The following LRRC7 variants were observed in gnomAD, a reference collection of about 807,000 sequenced individuals.
LRRC7 encodes the protein leucine rich repeat containing 7, also known as leucine-rich repeat-containing protein 7.
Under a neutral mutation model 175.7 loss-of-function variants are expected in LRRC7, and 23 were observed. That is an observed-to-expected ratio of 0.13 (90% confidence interval 0.09 to 0.19). The LOEUF (loss-of-function observed/expected upper bound fraction) is 0.19. LRRC7 is among the 10% of genes least tolerant of loss of function. The pLI, the probability that LRRC7 is intolerant of heterozygous loss-of-function variation, is 1.00. For synonymous variants in LRRC7, 685 were observed against 680.9 expected (o/e 1.01, Z -0.09); for missense variants, 1,354 against 1,904.7 (o/e 0.71, Z 5.38).
chr1:69,844,591 G>A (rs1204306510), intron 7 of LRRC7, among the ~76,000 whole-genome samples: 1 of 152,034 alleles, frequency 6.6e-6, no homozygotes, highest in African/African-American at 2.4e-5. Context: ...ATCTGTTGTT[G>A]GACATTTAAG....
intron 7 of LRRC7, among the ~76,000 whole-genome samples, chr1:69,866,725 A>G (rs979512361): frequency 8.3e-6 from 1 of 121,078 alleles, no homozygotes; most frequent in Non-Finnish European, 2.0e-5. Flanking sequence ...AAATTAATTC[A>G]TTAGCACTGA....
At chr1:69,841,381 A>T (rs1681712186) in intron 7 of LRRC7, among the ~76,000 whole-genome samples, 1 of 152,002 alleles carries the variant, frequency 6.6e-6, no homozygotes, top group Non-Finnish European at 1.5e-5. Context: ...GATCACAGAG[A>T]CCAAATCTGG....
chr1:70,068,526 A>G (rs1386955722), intron 23 of LRRC7, among the ~76,000 whole-genome samples: 5 of 152,138 alleles, frequency 3.3e-5, no homozygotes. Flanking sequence ...GGATTTGTGC[A>G]TCTATATTCA....
chr1:69,767,974 G>T, intron 3 of LRRC7, among the ~76,000 whole-genome samples: 1 of 152,120 alleles, frequency 6.6e-6, no homozygotes, highest in East Asian at 1.9e-4. Context: ...CCACATCCAG[G>T]TGAGGGCTGC....
chr1:69,994,096 C>T (rs960040687), intron 10 of LRRC7, among the ~76,000 whole-genome samples: 2 of 152,044 alleles, frequency 1.3e-5, no homozygotes, highest in Non-Finnish European at 2.9e-5. Context: ...TAATTATAAC[C>T]GCTGCATTGC....
At chr1:69,913,263 A>G (rs1011116641) in intron 7 of LRRC7, among the ~76,000 whole-genome samples, 1 of 152,210 alleles carries the variant, frequency 6.6e-6, no homozygotes, top group African/African-American at 2.4e-5. Context: ...TTGGTCACAT[A>G]TCCTTTTGGA....
chr1:70,008,128 T>A (rs775800133), intron 11 of LRRC7, among the ~76,000 whole-genome samples: 3 of 152,122 alleles, frequency 2.0e-5, no homozygotes, highest in Non-Finnish European at 4.4e-5. Flanking sequence ...GTCCCAAAAC[T>A]GAAGAACTTG....
At position 69,568,659 on chromosome 1, in the gene LRRC7, G is replaced by C. The variant is rs1645597542; in HGVS notation, c.2+18G>C. 1.5e-6 allele frequency: 2 copies of C among 1,336,562 alleles called. No homozygotes were observed. The highest frequency in any genetic ancestry group is 2.0e-6 in the Non-Finnish European group (2 of 1,010,388). The allele number at this position is 1,336,562 out of a possible 1,614,324, so 82.8% of individuals were successfully genotyped here. ...CCGGCGATGTGAGTAAGGCACGCTC[G>C]CTCCGTGGCGGAGGGTGCTGCGGGG... is the stretch of plus-strand genomic sequence containing the variant. On this transcript the variant is annotated intron_variant, in intron 1 of 26. Coordinates refer to ENST00000651989, the MANE Select transcript of LRRC7 (RefSeq NM_001370785.2).
chr1:69,694,005 T>A (rs921178824), intron 2 of LRRC7, among the ~76,000 whole-genome samples: 1 of 152,172 alleles, frequency 6.6e-6, no homozygotes. Flanking sequence ...TCCAAAGGCC[T>A]ACATTGTTCA....
Position 69,589,330 on chromosome 1 carries a change from A to C in LRRC7, c.2+20689A>C, listed in dbSNP as rs1646537891. 2.0e-5 allele frequency among the ~76,000 whole-genome samples: 3 copies of C among 152,070 alleles called. No homozygotes were observed. In the South Asian group the frequency reaches 6.2e-4, roughly 31 times the overall value. ...CATCCGCCAGGACTACTAATCACTC[A>C]GGTATCTATATTTTATGTTCTTATC... On this transcript the variant is annotated intron_variant, in intron 1 of 26. Transcript: ENST00000651989.
intron 8 of LRRC7, among the ~76,000 whole-genome samples, chr1:69,968,695 C>A (rs1651906626): frequency 6.6e-6 from 1 of 152,154 alleles, no homozygotes; most frequent in Non-Finnish European, 1.5e-5. Context: ...TTGTACCCAG[C>A]AAAACTACAC....
intron 2 of LRRC7, among the ~76,000 whole-genome samples, chr1:69,719,329 TGAAA>T (rs1450427251): frequency 6.6e-6 from 1 of 151,754 alleles, no homozygotes; most frequent in African/African-American, 2.4e-5. Flanking sequence ...AATGAATGAA[TGAAA>T]GAATGAATCA....
chr1:69,990,395 A>C (rs1427822419), intron 10 of LRRC7, among the ~76,000 whole-genome samples: 2 of 152,108 alleles, frequency 1.3e-5, no homozygotes, highest in Admixed American at 6.6e-5. Flanking sequence ...CACATATGAT[A>C]TAGAAATGCA....
intron 1 of LRRC7, among the ~76,000 whole-genome samples, chr1:69,635,766 G>T (rs2100402286): frequency 6.6e-6 from 1 of 151,944 alleles, no homozygotes; most frequent in Admixed American, 6.6e-5. Context: ...ATATACTCCA[G>T]TACCTATGAA....
intron 11 of LRRC7, among the ~76,000 whole-genome samples, chr1:70,005,968 A>G (rs950502803): frequency 6.6e-6 from 1 of 152,176 alleles, no homozygotes; most frequent in Non-Finnish European, 1.5e-5. Flanking sequence ...ATCTGAAAAA[A>G]TAAAGGTAAC....
chr1:69,659,986 A>G (rs1240632498), intron 1 of LRRC7, among the ~76,000 whole-genome samples: 1 of 152,088 alleles, frequency 6.6e-6, no homozygotes, highest in Non-Finnish European at 1.5e-5. Flanking sequence ...AATCAGATAA[A>G]TGCAAATATA....
chr1:69,611,945 G>A (rs562703883), intron 1 of LRRC7, among the ~76,000 whole-genome samples: 2 of 151,978 alleles, frequency 1.3e-5, no homozygotes, highest in South Asian at 2.1e-4. Flanking sequence ...AAATGACCAC[G>A]GAAGTGTCAC....
chr1:69,796,550 C>G (rs530472371), intron 4 of LRRC7, among the ~76,000 whole-genome samples: 1 of 151,988 alleles, frequency 6.6e-6, no homozygotes, highest in Non-Finnish European at 1.5e-5. Flanking sequence ...TTTGGGAGGC[C>G]GAGGTGGGCG....
At chr1:70,113,627 A>C (rs1379687066) in intron 26 of LRRC7, among the ~76,000 whole-genome samples, 1 of 152,186 alleles carries the variant, frequency 6.6e-6, no homozygotes, top group Admixed American at 6.5e-5. Context: ...TTAAAGTAAA[A>C]GCAGATTGTA....
Sources: allele counts gnomAD v4.1 joint callset (sites outside exome capture counted in the v4.1 genomes callset), GRCh38; gene constraint gnomAD v4.1.1; transcripts MANE v1.5; gene names NCBI Gene and HGNC (gene_info 2026-07-23, HGNC 2026-07-21).